Variants in PARD3B observed in about 807,000 individuals in gnomAD.
PARD3B encodes the protein par-3 family cell polarity regulator beta.
In PARD3B, 103 loss-of-function variants were observed where a neutral mutation model predicts 130.2. The ratio of observed to expected loss-of-function variants is 0.79; its 90% CI spans 0.67 to 0.93. PARD3B has a LOEUF of 0.93. Among genes scored for constraint, PARD3B ranks in the 40% least tolerant of loss-of-function variants. The pLI is 0.00. For missense variants in PARD3B, 1,609 were observed against 1,499.2 expected, an observed-to-expected ratio of 1.07 and a Z score of -1.21; for synonymous variants, 583 against 553.2, an observed-to-expected ratio of 1.05 and a Z score of -0.76.
chr2:205,581,229 GAGATATATATAGATATATAT>G lies in PARD3B; in HGVS notation c.3260+27844_3260+27863del, dbSNP rs144139857. ...ATGGATAAAGAGAATGTGGGGTGGGGAGATATATATAGATATATATAGATATATATAGATATAGATAGATA... is the reference window on the plus strand; with the variant it reads ...ATGGATAAAGAGAATGTGGGGTGGGGAGATATATATAGATATAGATAGATA... On this transcript the variant is annotated intron_variant, in intron 22 of 22. Coordinates refer to ENST00000406610, the MANE Select transcript of PARD3B (RefSeq NM_001302769.2). Among the ~76,000 whole-genome samples the G allele has an allele frequency of 3.7e-4, 42 of 113,286 alleles. 1 individual carries two copies. The highest frequency in any genetic ancestry group is 6.2e-4 in the Non-Finnish European group (33 of 53,064). The allele number at this position is 113,286 out of a possible 152,430, so 74.3% of individuals were successfully genotyped here.
chr2:204,554,931 G>A (rs1318644570), intron 1 of PARD3B, among the ~76,000 whole-genome samples: 5 of 152,152 alleles, frequency 3.3e-5, no homozygotes, highest in Admixed American at 2.6e-4. Flanking sequence ...TTCCCTTATC[G>A]GAATGGCTCA....
At chr2:204,873,912 G>A (rs112250253) in intron 2 of PARD3B, among the ~76,000 whole-genome samples, 3,216 of 152,232 alleles carry the variant, frequency 0.021, 114 homozygotes, top group African/African-American at 0.074. Flanking sequence ...GGAGGCTGAG[G>A]GGAGCGGATC....
At chr2:205,073,392 T>C (rs1216267104) in intron 4 of PARD3B, among the ~76,000 whole-genome samples, 6 of 152,172 alleles carry the variant, frequency 3.9e-5, no homozygotes, top group African/African-American at 4.8e-5. Flanking sequence ...ACTTGTCTTA[T>C]TTGCTTTGAA....
chr2:205,377,351 A>G (rs2045101023), intron 18 of PARD3B, among the ~76,000 whole-genome samples: 1 of 152,164 alleles, frequency 6.6e-6, no homozygotes, highest in Non-Finnish European at 1.5e-5. Context: ...ATTCTGATTC[A>G]AAGTTTGAGT....
chr2:205,140,342 T>A (rs2032843811), intron 10 of PARD3B, among the ~76,000 whole-genome samples: 1 of 151,384 alleles, frequency 6.6e-6, no homozygotes, highest in Non-Finnish European at 1.5e-5. Context: ...CAGTGGTCAA[T>A]GAGAACAGGC....
At chr2:205,411,215 G>A (rs1389072974) in intron 19 of PARD3B, among the ~76,000 whole-genome samples, 1 of 152,078 alleles carries the variant, frequency 6.6e-6, no homozygotes, top group Non-Finnish European at 1.5e-5. Context: ...CTTGTGCCAA[G>A]GTTGAGAAAC....
chr2:205,106,586 G>A (rs1316813697), intron 5 of PARD3B, among the ~76,000 whole-genome samples: 1 of 150,534 alleles, frequency 6.6e-6, no homozygotes, highest in Non-Finnish European at 1.5e-5. Context: ...CCTTTAATAG[G>A]TTAAGGAACT....
At chr2:205,004,589 G>A (rs1695102952) in intron 3 of PARD3B, among the ~76,000 whole-genome samples, 1 of 152,114 alleles carries the variant, frequency 6.6e-6, no homozygotes. Context: ...GAAGGCAGAG[G>A]AAATGAAATG....
At chr2:204,742,543 A>T (rs1226329154) in intron 2 of PARD3B, among the ~76,000 whole-genome samples, 1 of 152,192 alleles carries the variant, frequency 6.6e-6, no homozygotes, top group Non-Finnish European at 1.5e-5. Flanking sequence ...AGAATAGAGC[A>T]AAAGCTGTTG....
At chr2:205,148,347 C>CT (rs1292188694) in intron 10 of PARD3B, among the ~76,000 whole-genome samples, 2 of 152,128 alleles carry the variant, frequency 1.3e-5, no homozygotes, top group Non-Finnish European at 2.9e-5. Flanking sequence ...CATCTCTCAT[C>CT]TTTTTCTTTT....
intron 2 of PARD3B, among the ~76,000 whole-genome samples, chr2:204,719,653 A>T (rs1053345775): frequency 6.6e-6 from 1 of 152,158 alleles, no homozygotes; most frequent in Non-Finnish European, 1.5e-5. Flanking sequence ...TTAATGTATT[A>T]TGTTACATTA....
intron 19 of PARD3B, among the ~76,000 whole-genome samples, chr2:205,417,080 TC>T (rs2046804428): frequency 3.0e-5 from 2 of 66,602 alleles, no homozygotes; most frequent in Non-Finnish European, 5.3e-5. Context: ...CCCTCCCCCC[TC>T]CCCCCACCCC....
chr2:204,635,204 C>T lies in PARD3B; in HGVS notation c.121-50977C>T, dbSNP rs187781969. Among the ~76,000 whole-genome samples, 49 of 152,260 alleles carry T rather than the reference C, an allele frequency of 3.2e-4. 1 individual carries two copies. The East Asian group carries it at 9.3e-3, about 29-fold the overall frequency. On this transcript the variant is annotated intron_variant, in intron 1 of 22. Coordinates refer to ENST00000406610, the MANE Select transcript of PARD3B (RefSeq NM_001302769.2). ...ATGGCTTCTTTGCTTACTGCTATGA[C>T]AAAATCTTTCAGGCTCATTTTGTAC...
intron 1 of PARD3B, among the ~76,000 whole-genome samples, chr2:204,682,499 T>C (rs2036882127): frequency 6.6e-6 from 1 of 152,192 alleles, no homozygotes; most frequent in Admixed American, 6.5e-5. Flanking sequence ...TTCATGAAGT[T>C]AAATTCTATA....
At chr2:205,434,155 CCAA>C (rs1346052152) in intron 19 of PARD3B, among the ~76,000 whole-genome samples, 1 of 152,192 alleles carries the variant, frequency 6.6e-6, no homozygotes, top group Non-Finnish European at 1.5e-5. Flanking sequence ...CATATCCTTT[CCAA>C]CATTTGTTTT....
intron 3 of PARD3B, among the ~76,000 whole-genome samples, chr2:205,039,611 C>T (rs1698252006): frequency 6.6e-6 from 1 of 152,032 alleles, no homozygotes; most frequent in Non-Finnish European, 1.5e-5. Flanking sequence ...GCTGCAATTA[C>T]AGGTGTGCAC....
chr2:205,372,592 T>A (rs1040245851), intron 18 of PARD3B, among the ~76,000 whole-genome samples: 4 of 152,052 alleles, frequency 2.6e-5, no homozygotes, highest in Non-Finnish European at 5.9e-5. Context: ...GAGGAAAAAA[T>A]TTGGTTTATA....
At chr2:205,186,930 T>G (rs1001999913) in intron 14 of PARD3B, among the ~76,000 whole-genome samples, 1 of 152,360 alleles carries the variant, frequency 6.6e-6, no homozygotes, top group Middle Eastern at 3.4e-3. Context: ...ATTTCATTTG[T>G]TCTACCTTAC....
chr2:205,602,835 G>T (rs1040530699), intron 22 of PARD3B, among the ~76,000 whole-genome samples: 3 of 151,448 alleles, frequency 2.0e-5, no homozygotes, highest in Admixed American at 6.6e-5. Flanking sequence ...GATTTTTTTT[G>T]AAAGGTTTTT....
Sources: allele counts gnomAD v4.1 joint callset (sites outside exome capture counted in the v4.1 genomes callset), GRCh38; gene constraint gnomAD v4.1.1; transcripts MANE v1.5; gene names NCBI Gene and HGNC (gene_info 2026-07-23, HGNC 2026-07-21).